The following ZCWPW2 variants were observed in gnomAD, a reference collection of about 807,000 sequenced individuals.
The protein encoded by ZCWPW2 is zinc finger CW-type and PWWP domain containing 2.
Under a neutral mutation model 46.6 loss-of-function variants are expected in ZCWPW2, and 45 were observed. That is an observed-to-expected ratio of 0.96 (90% confidence interval 0.76 to 1.24). ZCWPW2 has a LOEUF of 1.24. Among genes scored for constraint, ZCWPW2 ranks in the 50% most tolerant of loss-of-function variants. The pLI is 0.00. For missense variants in ZCWPW2, 429 were observed against 403.9 expected (o/e 1.06, Z -0.53); for synonymous variants, 152 against 137.1 (o/e 1.11, Z -0.76).
At chr3:28,434,834 T>C (rs912583137) in intron 3 of ZCWPW2, among the ~76,000 whole-genome samples, 4 of 152,220 alleles carry the variant, frequency 2.6e-5, no homozygotes, top group Non-Finnish European at 5.9e-5. Context: ...ATATCTCTTA[T>C]TGTCCCTGGA....
chr3:28,384,005 G>A (rs754504819), intron 1 of ZCWPW2, among the ~76,000 whole-genome samples: 110 of 152,118 alleles, frequency 7.2e-4, no homozygotes, highest in Non-Finnish European at 1.2e-3. Flanking sequence ...CATATACACA[G>A]ACCATGTAGT....
chr3:28,364,004 T>A (rs1705032757), intron 1 of ZCWPW2, among the ~76,000 whole-genome samples: 1 of 152,198 alleles, frequency 6.6e-6, no homozygotes. Context: ...ATATTTTAAA[T>A]ATAGTCTTCC....
intron 5 of ZCWPW2, among the ~76,000 whole-genome samples, chr3:28,487,202 C>T (rs560749206): frequency 6.6e-6 from 1 of 151,738 alleles, no homozygotes; most frequent in East Asian, 1.9e-4. Flanking sequence ...TTTTTTGTTC[C>T]TGCATCTCTT....
Position 28,380,957 on chromosome 3 carries a change from T to A in ZCWPW2, c.-133-9541T>A, listed in dbSNP as rs1290628978. ...TGGTATATATATATATATATATATA[T>A]ATATATATATATATTTGGTATATAT... On this transcript the variant is annotated intron_variant, in intron 1 of 9. Transcript: ENST00000383768. 8.7e-5 allele frequency among the ~76,000 whole-genome samples: 4 copies of A among 46,062 alleles called. 1 individual carries two copies. Among genetic ancestry groups the A allele is most frequent in the Non-Finnish European group, 1.5e-4 (4 of 26,832 alleles). The allele number at this position is 46,062 out of a possible 152,430, so 30.2% of individuals were successfully genotyped here.
Position 28,450,029 on chromosome 3 carries a change from G to A in ZCWPW2, c.492+14760G>A, listed in dbSNP as rs1229800758. ...CAGTAAGAAAAACACAGAAATGTCTGAGCCTCACTCTACTGGATCAATTAA... is the reference window on the plus strand; with the variant it reads ...CAGTAAGAAAAACACAGAAATGTCTAAGCCTCACTCTACTGGATCAATTAA... On this transcript the variant is annotated intron_variant, in intron 4 of 9. Coordinates refer to ENST00000383768, the MANE Select transcript of ZCWPW2 (RefSeq NM_001040432.4). Among the ~76,000 whole-genome samples, 3 of 152,270 alleles carry A rather than the reference G, an allele frequency of 2.0e-5. No individual in the cohort carries two copies. In the East Asian group the frequency reaches 5.8e-4, roughly 29 times the overall value.
At chr3:28,524,233 AT>A in intron 9 of ZCWPW2, among the ~76,000 whole-genome samples, 1 of 152,158 alleles carries the variant, frequency 6.6e-6, no homozygotes, top group Middle Eastern at 3.4e-3. Flanking sequence ...AATGTAAAAA[AT>A]AAAACAACAT....
chr3:28,367,093 C>T (rs769935408), intron 1 of ZCWPW2, among the ~76,000 whole-genome samples: 4 of 152,074 alleles, frequency 2.6e-5, no homozygotes, highest in Non-Finnish European at 5.9e-5. Context: ...TTTAAAAGAC[C>T]AGCTCCTGGC....
chr3:28,507,272 CTG>C (rs770985379), intron 6 of ZCWPW2, among the ~76,000 whole-genome samples: 16 of 152,154 alleles, frequency 1.1e-4, no homozygotes, highest in Admixed American at 3.3e-4. Context: ...GCAGGAATCT[CTG>C]TGATTTATGG....
rs773431384 is a variant in ZCWPW2, at chr3:28,496,278, A to C, written c.657+4105A>C. ...AAACTAAATATTACTTACTAAATTA[A>C]TAGAGATACATGAAATGCATTGATT... On this transcript the variant is annotated intron_variant, in intron 6 of 9. Transcript: ENST00000383768. 3.3e-5 allele frequency among the ~76,000 whole-genome samples: 5 copies of C among 152,206 alleles called. 1 individual carries two copies. The highest frequency in any genetic ancestry group is 2.0e-4 in the Admixed American group (3 of 15,252).
chr3:28,375,535 T>C (rs1050156985), intron 1 of ZCWPW2, among the ~76,000 whole-genome samples: 2 of 152,030 alleles, frequency 1.3e-5, no homozygotes, highest in Non-Finnish European at 2.9e-5. Context: ...GTATATATAT[T>C]TATGGGTTAA....
intron 1 of ZCWPW2, among the ~76,000 whole-genome samples, chr3:28,350,699 A>C (rs1474358946): frequency 6.7e-6 from 1 of 149,894 alleles, no homozygotes; most frequent in African/African-American, 2.5e-5. Flanking sequence ...AAATAAAATA[A>C]ATTGTTAGAG....
chr3:28,398,893 C>T (rs917259355), intron 2 of ZCWPW2, among the ~76,000 whole-genome samples: 5 of 152,176 alleles, frequency 3.3e-5, no homozygotes, highest in Non-Finnish European at 5.9e-5. Flanking sequence ...AGGAAATATC[C>T]AGCTGAACTC....
chr3:28,524,474 A>T, intron 9 of ZCWPW2, 53 bp from the exon 10 acceptor site: 1 of 1,564,664 alleles, frequency 6.4e-7, no homozygotes, highest in South Asian at 1.2e-5. Context: ...TGTTTTGTTC[A>T]ATAATCAGGT....
Position 28,348,836 on chromosome 3 carries a change from G to C in ZCWPW2, c.-501G>C, listed in dbSNP as rs1704393922. On this transcript the variant is annotated 5_prime_UTR_variant, in exon 1 of 10. Coordinates refer to ENST00000383768, the MANE Select transcript of ZCWPW2 (RefSeq NM_001040432.4). ...CGTTCTGGAAGGAGGGACGAGCCGA[G>C]GCAGGAGGGGCCGGGCCGACGCGAG... 1 of 523,778 alleles carries C rather than the reference G, an allele frequency of 1.9e-6. No individual in the cohort carries two copies. Among genetic ancestry groups the C allele is most frequent in the Admixed American group, 6.4e-5 (1 of 15,692 alleles). The allele number at this position is 523,778 out of a possible 1,614,324, so 32.4% of individuals were successfully genotyped here. A position where few individuals can be genotyped will look rare whatever the true frequency, so the allele number is the denominator to read the frequency against.
chr3:28,508,473 G>A (rs1263357398), intron 6 of ZCWPW2, among the ~76,000 whole-genome samples: 2 of 151,838 alleles, frequency 1.3e-5, no homozygotes, highest in African/African-American at 4.8e-5. Flanking sequence ...TAATAATTAT[G>A]AATATGTTCC....
intron 4 of ZCWPW2, among the ~76,000 whole-genome samples, chr3:28,447,303 C>T (rs1156482590): frequency 6.6e-6 from 1 of 151,946 alleles, no homozygotes; most frequent in African/African-American, 2.4e-5. Context: ...AAGAATTATA[C>T]ACTATGGCCA....
intron 3 of ZCWPW2, among the ~76,000 whole-genome samples, chr3:28,433,357 GGAAAACA>G (rs2125761336): frequency 6.6e-6 from 1 of 152,138 alleles, no homozygotes; most frequent in African/African-American, 2.4e-5. Flanking sequence ...CTAATCTAGT[GGAAAACA>G]TTTGGGTTTT....
rs918942173 is a variant in ZCWPW2, at chr3:28,417,419, A to C, written c.332+4019A>C. ...GTCCAGGACCAGATGGATTCACAGCAGAATTCTACCAGAGGTACAAGGAGG... is the reference window on the plus strand; with the variant it reads ...GTCCAGGACCAGATGGATTCACAGCCGAATTCTACCAGAGGTACAAGGAGG... On this transcript the variant is annotated intron_variant, in intron 3 of 9. Coordinates refer to ENST00000383768, the MANE Select transcript of ZCWPW2 (RefSeq NM_001040432.4). Among the ~76,000 whole-genome samples the C allele has an allele frequency of 8.5e-5, 13 of 152,202 alleles. No homozygotes were observed. The East Asian group carries it at 2.1e-3, about 25-fold the overall frequency.
intron 4 of ZCWPW2, among the ~76,000 whole-genome samples, chr3:28,438,194 A>G (rs1032194810): frequency 3.3e-5 from 5 of 152,180 alleles, no homozygotes; most frequent in Admixed American, 2.6e-4. Context: ...ATGATCACAA[A>G]GGTACAGACA....
Sources: allele counts gnomAD v4.1 joint callset (sites outside exome capture counted in the v4.1 genomes callset), GRCh38; gene constraint gnomAD v4.1.1; transcripts MANE v1.5; gene names NCBI Gene and HGNC (gene_info 2026-07-23, HGNC 2026-07-21).